The following CDKAL1 variants were observed in gnomAD, a reference collection of about 807,000 sequenced individuals.
CDKAL1 encodes CDKAL1 threonylcarbamoyladenosine tRNA methylthiotransferase.
In CDKAL1, 32 loss-of-function variants were observed where a neutral mutation model predicts 68.2. The ratio of observed to expected loss-of-function variants is 0.47; its 90% CI spans 0.35 to 0.63. The LOEUF (loss-of-function observed/expected upper bound fraction) is 0.63. Among genes scored for constraint, CDKAL1 ranks in the 30% least tolerant of loss-of-function variants. CDKAL1 has a pLI of 0.00. For missense variants in CDKAL1, 606 were observed against 696.7 expected, an observed-to-expected ratio of 0.87 and a Z score of 1.47; for synonymous variants, 234 against 244.3, an observed-to-expected ratio of 0.96 and a Z score of 0.39.
intron 11 of CDKAL1, among the ~76,000 whole-genome samples, chr6:21,020,870 C>T (rs1768623474): frequency 6.6e-6 from 1 of 151,498 alleles, no homozygotes; most frequent in African/African-American, 2.4e-5. Context: ...CTCAGCCTCC[C>T]AAGTAGCTGG....
intron 11 of CDKAL1, among the ~76,000 whole-genome samples, chr6:21,010,132 A>AT (rs1210198069): frequency 3.3e-5 from 5 of 152,340 alleles, no homozygotes; most frequent in African/African-American, 1.2e-4. Flanking sequence ...TTACGTATCA[A>AT]TTTTTTACGT....
At chr6:20,848,773 G>T (rs1212849368) in intron 9 of CDKAL1, among the ~76,000 whole-genome samples, 5 of 149,376 alleles carry the variant, frequency 3.3e-5, no homozygotes, top group Non-Finnish European at 7.4e-5. Context: ...AAATGTGGTT[G>T]TTTTTTTCTT....
chr6:20,885,111 G>A (rs537726369), intron 9 of CDKAL1, among the ~76,000 whole-genome samples: 56 of 152,230 alleles, frequency 3.7e-4, no homozygotes, highest in African/African-American at 1.1e-3. Context: ...CTACAGATTC[G>A]GCACAATCCC....
chr6:21,011,465 A>C (rs1228008913), intron 11 of CDKAL1, among the ~76,000 whole-genome samples: 1 of 152,264 alleles, frequency 6.6e-6, no homozygotes, highest in Non-Finnish European at 1.5e-5. Flanking sequence ...TTAATTTCAA[A>C]AGAGATTAAA....
chr6:20,686,646 C>T (rs758524719), intron 5 of CDKAL1, among the ~76,000 whole-genome samples: 4 of 152,148 alleles, frequency 2.6e-5, no homozygotes, highest in Non-Finnish European at 5.9e-5. Context: ...GAAACCATCT[C>T]CCACCCAATC....
chr6:20,737,145 T>G (rs1773232825), intron 5 of CDKAL1, among the ~76,000 whole-genome samples: 1 of 152,212 alleles, frequency 6.6e-6, no homozygotes, highest in South Asian at 2.1e-4. Context: ...CCCTGAGCTT[T>G]CTGTGCCTCC....
chr6:20,707,632 TA>T (rs1771662153), intron 5 of CDKAL1, among the ~76,000 whole-genome samples: 1 of 152,196 alleles, frequency 6.6e-6, no homozygotes, highest in Admixed American at 6.5e-5. Flanking sequence ...TAAACAAGGA[TA>T]TGTAGTCATT....
At chr6:21,158,516 A>C (rs963042450) in intron 13 of CDKAL1, among the ~76,000 whole-genome samples, 14 of 152,226 alleles carry the variant, frequency 9.2e-5, no homozygotes, top group African/African-American at 3.1e-4. Flanking sequence ...AAGCCAGATA[A>C]CTACAGCACT....
Position 20,994,057 on chromosome 6 carries a change from A to C in CDKAL1, c.910-6170A>C, listed in dbSNP as rs140756794. On this transcript the variant is annotated intron_variant, in intron 10 of 15. Transcript: ENST00000274695. ...CAAATCTGCCCTTCAGCTCAGACTC[A>C]CCCAGCTCAGAGCACCGAGCTGCTC... is the stretch of plus-strand genomic sequence containing the variant. 3.9e-3 allele frequency among the ~76,000 whole-genome samples: 593 copies of C among 152,202 alleles called. 2 individuals carry two copies. The highest frequency in any genetic ancestry group is 0.013 in the African/African-American group (558 of 41,532).
intron 4 of CDKAL1, among the ~76,000 whole-genome samples, chr6:20,643,868 A>G (rs1218941145): frequency 6.6e-6 from 1 of 152,044 alleles, no homozygotes; most frequent in African/African-American, 2.4e-5. Flanking sequence ...TGTGTAGCCC[A>G]GGCTGGAGTG....
At chr6:21,008,735 G>A (rs761127809) in intron 11 of CDKAL1, among the ~76,000 whole-genome samples, 8 of 152,066 alleles carry the variant, frequency 5.3e-5, no homozygotes, top group East Asian at 1.9e-4. Context: ...ACTCTGCACC[G>A]TATATATGGC....
At chr6:20,633,505 A>T (rs1282813368) in intron 4 of CDKAL1, among the ~76,000 whole-genome samples, 1 of 152,156 alleles carries the variant, frequency 6.6e-6, no homozygotes, top group African/African-American at 2.4e-5. Flanking sequence ...ATTGATGTAC[A>T]AGTTTTTATG....
At chr6:20,958,383 C>T (rs535871541) in intron 10 of CDKAL1, among the ~76,000 whole-genome samples, 1 of 152,128 alleles carries the variant, frequency 6.6e-6, no homozygotes, top group African/African-American at 2.4e-5. Context: ...ACAAACACAT[C>T]GTATGTAACA....
chr6:21,118,507 G>C (rs1338815158), intron 13 of CDKAL1, among the ~76,000 whole-genome samples: 1 of 152,174 alleles, frequency 6.6e-6, no homozygotes, highest in Non-Finnish European at 1.5e-5. Flanking sequence ...TGTTTACAAA[G>C]AATAGTGAGA....
intron 9 of CDKAL1, among the ~76,000 whole-genome samples, chr6:20,856,477 T>C (rs1759345833): frequency 6.6e-6 from 1 of 152,210 alleles, no homozygotes; most frequent in African/African-American, 2.4e-5. Flanking sequence ...ACCAGATATG[T>C]AGAGGTGGTG....
At chr6:20,899,830 G>A (rs914199735) in intron 9 of CDKAL1, among the ~76,000 whole-genome samples, 19 of 152,236 alleles carry the variant, frequency 1.2e-4, no homozygotes, top group African/African-American at 3.1e-4. Context: ...GCGACAGAGC[G>A]AAACTCCGTC....
At chr6:21,046,308 CTTAAGTT>C (rs1770227008) in intron 11 of CDKAL1, among the ~76,000 whole-genome samples, 1 of 152,160 alleles carries the variant, frequency 6.6e-6, no homozygotes, top group Non-Finnish European at 1.5e-5. Context: ...CGGCTTTGTT[CTTAAGTT>C]TTAAAGTGTT....
At chr6:21,049,431 G>A (rs142741299) in intron 11 of CDKAL1, among the ~76,000 whole-genome samples, 23 of 152,222 alleles carry the variant, frequency 1.5e-4, no homozygotes, top group African/African-American at 5.5e-4. Context: ...CAGTACCATA[G>A]ATAGTAAATA....
intron 15 of CDKAL1, among the ~76,000 whole-genome samples, chr6:21,211,018 G>T (rs1349982340): frequency 6.6e-6 from 1 of 152,202 alleles, no homozygotes; most frequent in East Asian, 1.9e-4. Flanking sequence ...TGGAACCCAA[G>T]TCTCACATTT....
Sources: allele counts gnomAD v4.1 joint callset (sites outside exome capture counted in the v4.1 genomes callset), GRCh38; gene constraint gnomAD v4.1.1; transcripts MANE v1.5; gene names NCBI Gene and HGNC (gene_info 2026-07-23, HGNC 2026-07-21).